TTC12: variants seen among roughly 807,000 people sequenced by gnomAD.
TTC12 encodes tetratricopeptide repeat domain 12.
A neutral mutation model predicts 90.1 loss-of-function variants in TTC12; 70 were observed. The observed-to-expected ratio is 0.78, with a 90% confidence interval of 0.64 to 0.95. The LOEUF (loss-of-function observed/expected upper bound fraction) is 0.95, where lower values mean the gene tolerates loss of function less well. Ranked by LOEUF, TTC12 falls within the 40% of genes least tolerant of loss-of-function variation. The pLI, the probability that TTC12 is intolerant of heterozygous loss-of-function variation, is 0.00. For missense variants in TTC12, 819 were observed against 846.1 expected (o/e 0.97, Z 0.40); for synonymous variants, 296 against 311.5 (o/e 0.95, Z 0.53).
At chr11:113,334,370 G>C (rs937884777) in intron 7 of TTC12, among the ~76,000 whole-genome samples, 1 of 152,048 alleles carries the variant, frequency 6.6e-6, no homozygotes, top group Non-Finnish European at 1.5e-5. Context: ...TTTGAAGGGG[G>C]CATCCCTACT....
In TTC12 at chr11:113,339,396, GA is replaced by G. The variant is rs1565595843; in HGVS notation, c.749del (p.Glu250GlyfsTer20). The G allele has an allele frequency of 6.2e-7, 1 of 1,613,974 alleles. No homozygotes were observed. Among genetic ancestry groups the G allele is most frequent in the East Asian group, 2.2e-5 (1 of 44,856 alleles). ...NTAVTTKNLL[E>X]TLSKPDQIPL... is the part of the protein sequence containing the mutation. ...AGCCGTGACCACCAAGAACCTCCTG[GA>G]GACCCTTTCCAAGCCTGACCAGATC... is the stretch of plus-strand genomic sequence containing the variant. On this transcript the variant is annotated frameshift_variant, in exon 10 of 22. Transcript: ENST00000529221. LOFTEE classifies it high-confidence loss of function.
intron 13 of TTC12, 39 bp downstream of exon 13, chr11:113,344,479 T>G: frequency 6.3e-7 from 1 of 1,587,648 alleles, no homozygotes; most frequent in Non-Finnish European, 8.6e-7. Flanking sequence ...GGACATCTCA[T>G]GTCATCACTT....
At chr11:113,329,880 C>T in intron 6 of TTC12, 40 bp from the exon 7 acceptor site, 1 of 1,556,304 alleles carries the variant, frequency 6.4e-7, no homozygotes, top group Non-Finnish European at 8.9e-7. Flanking sequence ...CTGCCTGATG[C>T]AGAATTGTGT....
At chr11:113,353,725 T>A (rs1405204977) in intron 16 of TTC12, among the ~76,000 whole-genome samples, 1 of 152,242 alleles carries the variant, frequency 6.6e-6, no homozygotes, top group Non-Finnish European at 1.5e-5. Flanking sequence ...AGGGAATCCT[T>A]TCCCCATTGC....
intron 18 of TTC12, among the ~76,000 whole-genome samples, chr11:113,361,981 C>T (rs7115082): frequency 0.61 from 90,541 of 149,444 alleles, 27,560 homozygotes; most frequent in African/African-American, 0.63. Context: ...AAAGAAGAGC[C>T]GGGAAATAAA....
rs991322889 is a variant in TTC12, at chr11:113,366,155, G to C, written c.2043-70G>C. 4.5e-6 allele frequency: 7 copies of C among 1,554,192 alleles called. No homozygotes were observed. The Admixed American group carries it at 6.7e-5, about 15-fold the overall frequency. On this transcript the variant is annotated intron_variant, in intron 21 of 21. Transcript: ENST00000529221. ...TCAGCCAGCTTCCATCTGAGAGGGT[G>C]TTGGCTCTGGGCTCCAGAAGCCTGA...
chr11:113,328,337 T>TTG (rs1293855003), intron 6 of TTC12, among the ~76,000 whole-genome samples: 1 of 152,212 alleles, frequency 6.6e-6, no homozygotes, highest in Non-Finnish European at 1.5e-5. Flanking sequence ...GCCATTGTGC[T>TTG]TGTTTATAGT....
chr11:113,355,500 G>C (rs1053678620), intron 16 of TTC12, among the ~76,000 whole-genome samples: 87 of 152,106 alleles, frequency 5.7e-4, no homozygotes, highest in African/African-American at 2.0e-3. Flanking sequence ...TGCTAGCTTT[G>C]GGATTTGTTT....
intron 2 of TTC12, among the ~76,000 whole-genome samples, chr11:113,317,351 C>G (rs1358960727): frequency 1.3e-5 from 2 of 152,154 alleles, no homozygotes; most frequent in Non-Finnish European, 2.9e-5. Flanking sequence ...CTACCCTCAC[C>G]TTCATCCTGG....
At chr11:113,315,886 A>T (rs1457947227) in intron 1 of TTC12, 1 of 170,378 alleles carries the variant, frequency 5.9e-6, no homozygotes, top group Non-Finnish European at 1.2e-5. Flanking sequence ...GATCAAAGTC[A>T]GGTGTTAGTG....
chr11:113,329,503 G>C, intron 6 of TTC12: 1 of 438,492 alleles, frequency 2.3e-6, no homozygotes, highest in East Asian at 7.0e-5. Flanking sequence ...GAAGGAAGGA[G>C]GAAAAGTGAG....
rs112576379 is a variant in TTC12 at position 113,341,805 on chromosome 11, C to T, written c.897-32C>T. 4.5e-4 allele frequency: 696 copies of T among 1,541,232 alleles called. 4 individuals are homozygous for T. The African/African-American group carries it at 8.0e-3, about 18-fold the overall frequency. On this transcript the variant is annotated intron_variant, in intron 11 of 21. Coordinates refer to ENST00000529221, the MANE Select transcript of TTC12 (RefSeq NM_017868.4). ...AAGAAAATCAAGACTGATTTTCAGA[C>T]TTTTAAGATAGCTCTCCTTTGTCCA...
downstream of TTC12, among the ~76,000 whole-genome samples, chr11:113,369,429 C>T (rs1380005188): frequency 1.3e-5 from 2 of 150,016 alleles, no homozygotes; most frequent in African/African-American, 4.9e-5. Context: ...CCCCCCACCC[C>T]CCGTGCATTG....
intron 6 of TTC12, chr11:113,329,560 G>A (rs1947901184): frequency 2.1e-6 from 1 of 466,066 alleles, no homozygotes; most frequent in South Asian, 1.5e-5. Context: ...GAAGGCCTCA[G>A]CTCATGTCAG....
In TTC12 at chr11:113,348,461, C is replaced by T. The variant is rs543870010; in HGVS notation, c.1155-1612C>T. Among the ~76,000 whole-genome samples, 3 of 152,314 alleles carry T rather than the reference C, an allele frequency of 2.0e-5. No individual in the cohort carries two copies. The East Asian group carries it at 5.8e-4, about 29-fold the overall frequency. On this transcript the variant is annotated intron_variant, in intron 13 of 21. Transcript: ENST00000529221. Reference sequence around the variant, plus strand: ...TACTGTACCTCTTACTCTGCTGCTGCCTCAGTCTGGTCCCTTAGCCTTTAT... The same window carrying T: ...TACTGTACCTCTTACTCTGCTGCTGTCTCAGTCTGGTCCCTTAGCCTTTAT...
chr11:113,324,533 G>T, intron 4 of TTC12, 72 bp from the exon 5 acceptor site: 1 of 1,327,170 alleles, frequency 7.5e-7, no homozygotes. Flanking sequence ...GTAACACTTC[G>T]AATTTGAGCT....
chr11:113,358,665 A>C (rs1555153409), intron 16 of TTC12, among the ~76,000 whole-genome samples: 1 of 152,036 alleles, frequency 6.6e-6, no homozygotes, highest in East Asian at 1.9e-4. Flanking sequence ...CACTACAGAC[A>C]CTTCTACGCC....
rs1184411950 is a variant in TTC12 at position 113,352,095 on chromosome 11, C to T, written c.1334C>T (p.Ser445Phe). ...AAGACAGATCCCAAGGTAAGCAGCTCCTCGGCTCTGTGCCAGTGCATTGCC... is the reference window on the plus strand; with the variant it reads ...AAGACAGATCCCAAGGTAAGCAGCTTCTCGGCTCTGTGCCAGTGCATTGCC... ...VLKTDPKVSS[S>F]SALCQCIAIM... The change falls in exon 16 of 22, where the codon TCC becomes TTC. Residue 445 changes from serine to phenylalanine, a missense_variant. By Grantham distance (155) the Ser-to-Phe change is radical. Transcript: ENST00000529221. The T allele has an allele frequency of 6.2e-7, 1 of 1,614,150 alleles. No individual in the cohort carries two copies. The highest frequency in any genetic ancestry group is 1.7e-5 in the Admixed American group (1 of 60,020).
chr11:113,357,506 G>A (rs1949692971), intron 16 of TTC12, among the ~76,000 whole-genome samples: 1 of 152,032 alleles, frequency 6.6e-6, no homozygotes. Flanking sequence ...AAGGCATTCT[G>A]GCTTTTTGAA....
Sources: allele counts gnomAD v4.1 joint callset (sites outside exome capture counted in the v4.1 genomes callset), GRCh38; gene constraint gnomAD v4.1.1; transcripts MANE v1.5; gene names NCBI Gene and HGNC (gene_info 2026-07-23, HGNC 2026-07-21).